The following BCL2 variants were observed in gnomAD, a reference collection of about 807,000 sequenced individuals.
BCL2 encodes BCL2 apoptosis regulator, also known as apoptosis regulator Bcl-2.
Under a neutral mutation model 14.2 loss-of-function variants are expected in BCL2, and 1 was observed. The ratio of observed to expected loss-of-function variants is 0.07; its 90% CI spans 0.02 to 0.33. The LOEUF (loss-of-function observed/expected upper bound fraction) is 0.33. Ranked by LOEUF, BCL2 falls within the 10% of genes least tolerant of loss-of-function variation. The pLI, the probability that BCL2 is intolerant of heterozygous loss-of-function variation, is 0.99. For synonymous variants in BCL2, 151 were observed against 137.2 expected (o/e 1.10, Z -0.70); for missense variants, 247 against 305.9 (o/e 0.81, Z 1.44).
chr18:63,220,304 T>C (rs763652379), intron 2 of BCL2, among the ~76,000 whole-genome samples: 4 of 152,138 alleles, frequency 2.6e-5, no homozygotes, highest in Non-Finnish European at 5.9e-5. Context: ...AAGTCCCAAT[T>C]TATACCTGTT....
intron 2 of BCL2, among the ~76,000 whole-genome samples, chr18:63,161,040 T>A (rs974416921): frequency 6.6e-6 from 1 of 152,162 alleles, no homozygotes; most frequent in African/African-American, 2.4e-5. Flanking sequence ...AGTTTTTAAT[T>A]TTTTTTAAAT....
chr18:63,300,086 A>G (rs1177622417), intron 2 of BCL2, among the ~76,000 whole-genome samples: 4 of 152,220 alleles, frequency 2.6e-5, no homozygotes, highest in African/African-American at 9.6e-5. Flanking sequence ...TGAGGCTGCA[A>G]AGCAGCTCCT....
chr18:63,188,926 T>C (rs1044383589), intron 2 of BCL2, among the ~76,000 whole-genome samples: 1 of 151,604 alleles, frequency 6.6e-6, no homozygotes, highest in Non-Finnish European at 1.5e-5. Flanking sequence ...CCTTTCTTAA[T>C]AGCAGCATTT....
chr18:63,231,778 T>A (rs879241259), intron 2 of BCL2, among the ~76,000 whole-genome samples: 1 of 152,034 alleles, frequency 6.6e-6, no homozygotes, highest in Admixed American at 6.5e-5. Flanking sequence ...AATTAATACA[T>A]AAATTGAATG....
chr18:63,169,293 T>TTCCTTCC (rs1568222381), intron 2 of BCL2, among the ~76,000 whole-genome samples: 1 of 92,194 alleles, frequency 1.1e-5, no homozygotes, highest in Non-Finnish European at 2.0e-5. Context: ...TCTTTCTTTC[T>TTCCTTCC]TTCTTTCTTT....
chr18:63,215,894 T>C (rs1910185932), intron 2 of BCL2, among the ~76,000 whole-genome samples: 1 of 152,186 alleles, frequency 6.6e-6, no homozygotes, highest in Admixed American at 6.5e-5. Flanking sequence ...TGGAAATATG[T>C]ACAACCACAT....
intron 2 of BCL2, among the ~76,000 whole-genome samples, chr18:63,197,948 C>G (rs1687364675): frequency 6.6e-6 from 1 of 152,074 alleles, no homozygotes; most frequent in Non-Finnish European, 1.5e-5. Context: ...GGGATTTTCT[C>G]CATTGAAAAT....
intron 2 of BCL2, among the ~76,000 whole-genome samples, chr18:63,252,053 C>A (rs186637382): frequency 6.6e-6 from 1 of 152,192 alleles, no homozygotes; most frequent in East Asian, 1.9e-4. Context: ...ATCTTAAGTA[C>A]TGAACTTTAG....
At chr18:63,153,467 T>A (rs987959238) in intron 2 of BCL2, among the ~76,000 whole-genome samples, 2 of 152,244 alleles carry the variant, frequency 1.3e-5, no homozygotes, top group African/African-American at 2.4e-5. Context: ...TGAAAGGAGT[T>A]GTGTGAAACT....
chr18:63,255,412 C>A (rs933445621), intron 2 of BCL2, among the ~76,000 whole-genome samples: 55 of 152,272 alleles, frequency 3.6e-4, no homozygotes, highest in African/African-American at 1.3e-3. Flanking sequence ...CTTCATTTAT[C>A]CTTACAATGA....
At chr18:63,317,665 A>C (rs1913539164) in intron 2 of BCL2, 1 of 1,033,868 alleles carries the variant, frequency 9.7e-7, no homozygotes. Context: ...TTTGGGATGC[A>C]GACTGTCAAG....
chr18:63,253,562 C>A (rs1446894078), intron 2 of BCL2, among the ~76,000 whole-genome samples: 1 of 152,100 alleles, frequency 6.6e-6, no homozygotes, highest in Non-Finnish European at 1.5e-5. Context: ...GGGCAAAACC[C>A]CTCCCTAAAC....
intron 2 of BCL2, among the ~76,000 whole-genome samples, chr18:63,264,435 G>T (rs1911757107): frequency 6.6e-6 from 1 of 152,080 alleles, no homozygotes; most frequent in Admixed American, 6.5e-5. Flanking sequence ...CTACCTCAAT[G>T]CTCCACTGTG....
At chr18:63,166,087 G>A (rs1706346795) in intron 2 of BCL2, among the ~76,000 whole-genome samples, 1 of 152,222 alleles carries the variant, frequency 6.6e-6, no homozygotes, top group African/African-American at 2.4e-5. Flanking sequence ...TCAGTATGAG[G>A]ACCAGCTGCT....
In BCL2 at chr18:63,124,417, C is replaced by T. The variant is rs1035009730; in HGVS notation, c.*4208G>A. The T allele has an allele frequency of 8.7e-6, 2 of 231,114 alleles. No individual in the cohort carries two copies. The highest frequency in any genetic ancestry group is 2.2e-5 in the African/African-American group (1 of 45,172). The allele number at this position is 231,114 out of a possible 1,614,324, so 14.3% of individuals were successfully genotyped here. On this transcript the variant is annotated 3_prime_UTR_variant, in exon 3 of 3. Transcript: ENST00000333681. Reference sequence around the variant, plus strand: ...GCTGCACTTTGAGCCATGCTGATGTCTCTGGAATCTAAAGGTCGTACCACA... The same window carrying T: ...GCTGCACTTTGAGCCATGCTGATGTTTCTGGAATCTAAAGGTCGTACCACA...
At chr18:63,239,333 T>A (rs1910928854) in intron 2 of BCL2, among the ~76,000 whole-genome samples, 1 of 152,228 alleles carries the variant, frequency 6.6e-6, no homozygotes, top group African/African-American at 2.4e-5. Flanking sequence ...AAGTCTTGAA[T>A]CTTTTTCCAA....
At chr18:63,302,236 G>T in intron 2 of BCL2, 1 of 644,896 alleles carries the variant, frequency 1.6e-6, no homozygotes, top group Non-Finnish European at 1.9e-6. Context: ...GGGAGGCTGA[G>T]GTTGCAGTGA....
intron 2 of BCL2, among the ~76,000 whole-genome samples, chr18:63,299,458 CT>C (rs1312507437): frequency 6.6e-6 from 1 of 152,256 alleles, no homozygotes; most frequent in Non-Finnish European, 1.5e-5. Flanking sequence ...ACCTTCCCAT[CT>C]GGCCTCCTTG....
At chr18:63,271,903 C>T (rs1431221065) in intron 2 of BCL2, among the ~76,000 whole-genome samples, 1 of 152,148 alleles carries the variant, frequency 6.6e-6, no homozygotes, top group African/African-American at 2.4e-5. Context: ...GGTTGATGAA[C>T]CCCTGGTATG....
Sources: allele counts gnomAD v4.1 joint callset (sites outside exome capture counted in the v4.1 genomes callset), GRCh38; gene constraint gnomAD v4.1.1; transcripts MANE v1.5; gene names NCBI Gene and HGNC (gene_info 2026-07-23, HGNC 2026-07-21).